PDE6D: variants seen among roughly 807,000 people sequenced by gnomAD.
PDE6D encodes the protein retinal rod rhodopsin-sensitive cGMP 3',5'-cyclic phosphodiesterase subunit delta.
Under a neutral mutation model 21.9 loss-of-function variants are expected in PDE6D, and 10 were observed. The observed-to-expected ratio is 0.46, with a 90% CI of 0.28 to 0.78. The LOEUF (loss-of-function observed/expected upper bound fraction) is 0.78. PDE6D is among the 30% of genes least tolerant of loss of function. The probability of loss-of-function intolerance (pLI) is 0.12; values close to 1 mark genes in which losing one functional copy is unlikely to be tolerated. For missense variants in PDE6D, 139 were observed against 184.8 expected (o/e 0.75, Z 1.44); for synonymous variants, 59 against 63.5 (o/e 0.93, Z 0.34).
chr2:231,739,041 G>A lies in PDE6D; in HGVS notation c.139+59C>T. 9.4e-7 allele frequency: 1 copy of A among 1,060,820 alleles called. No homozygotes were observed. Among genetic ancestry groups the A allele is most frequent in the Non-Finnish European group, 1.5e-6 (1 of 681,516 alleles). The allele number at this position is 1,060,820 out of a possible 1,614,324, so 65.7% of individuals were successfully genotyped here. A position where few individuals can be genotyped will look rare whatever the true frequency, so the allele number is the denominator to read the frequency against. ...GTATGTGTTAACTTAGCTCTCTTAT[G>A]CTCAGGTGCTAGTCTGGCATTGGTC... On this transcript the variant is annotated intron_variant, in intron 2 of 4. Coordinates refer to ENST00000287600, the MANE Select transcript of PDE6D (RefSeq NM_002601.4). This position sits in a 1 kb window ranked among gnomAD's most constrained non-coding sequence, Gnocchi z 4.2.
At chr2:231,757,839 C>T (rs767751830) in intron 1 of PDE6D, among the ~76,000 whole-genome samples, 2 of 151,786 alleles carry the variant, frequency 1.3e-5, no homozygotes, top group East Asian at 1.9e-4. Flanking sequence ...CATATATTTC[C>T]TTTACCAAAG....
chr2:231,749,500 G>A (rs929150058), intron 1 of PDE6D, among the ~76,000 whole-genome samples: 3 of 142,940 alleles, frequency 2.1e-5, no homozygotes, highest in Admixed American at 7.2e-5. Flanking sequence ...TCTCAGATGA[G>A]ACTTTTTTTT....
intron 1 of PDE6D, among the ~76,000 whole-genome samples, chr2:231,779,930 CAG>C (rs1191198106): frequency 6.6e-6 from 1 of 152,192 alleles, no homozygotes; most frequent in Non-Finnish European, 1.5e-5. Flanking sequence ...ACCAAGAAAA[CAG>C]TGCTTTACTA....
chr2:231,777,367 G>A (rs1235798247), intron 1 of PDE6D, among the ~76,000 whole-genome samples: 5 of 151,464 alleles, frequency 3.3e-5, no homozygotes, highest in Non-Finnish European at 4.4e-5. Flanking sequence ...TGGGGGTCTC[G>A]CTATGTTGGC....
intron 1 of PDE6D, among the ~76,000 whole-genome samples, chr2:231,768,856 T>C (rs1035419141): frequency 2.6e-5 from 4 of 152,276 alleles, no homozygotes; most frequent in Non-Finnish European, 5.9e-5. Context: ...TATTTGGTCA[T>C]GGAAACTGGT....
chr2:231,751,981 T>C (rs1174628183), intron 1 of PDE6D, among the ~76,000 whole-genome samples: 1 of 152,234 alleles, frequency 6.6e-6, no homozygotes, highest in Non-Finnish European at 1.5e-5. Context: ...ATGAATTACT[T>C]GGAATTATAC....
At chr2:231,741,217 A>G (rs1250428328) in intron 1 of PDE6D, among the ~76,000 whole-genome samples, 1 of 151,872 alleles carries the variant, frequency 6.6e-6, no homozygotes, top group Admixed American at 6.6e-5. Flanking sequence ...AAGCTTCCAG[A>G]GGTTAAACAA....
At chr2:231,742,152 G>A (rs1017245815) in intron 1 of PDE6D, among the ~76,000 whole-genome samples, 6 of 151,394 alleles carry the variant, frequency 4.0e-5, no homozygotes, top group Non-Finnish European at 5.9e-5. Context: ...AGATGGTTTC[G>A]CTCTTGTTGC....
chr2:231,738,789 G>A (rs1021995223), intron 2 of PDE6D, among the ~76,000 whole-genome samples: 17 of 151,678 alleles, frequency 1.1e-4, no homozygotes, highest in African/African-American at 2.4e-4. Context: ...GGTGGCGCAC[G>A]CCTGTAGTCC....
At chr2:231,754,318 T>A (rs928038410) in intron 1 of PDE6D, among the ~76,000 whole-genome samples, 11 of 151,918 alleles carry the variant, frequency 7.2e-5, no homozygotes, top group Non-Finnish European at 2.9e-5. Flanking sequence ...ATCTCAATAG[T>A]CTTCACTTCC....
In PDE6D at chr2:231,737,194, C is replaced by T. The variant is rs766118708; in HGVS notation, c.364G>A (p.Val122Ile). The part of the protein sequence containing the change: ...APESQMMPAS[V>I]LTGNVIIETK... ...TGAGACCTGCTCACTCACGTTAAGA[C>T]GCTTGCTGGCATCATCTGGGACTCG... The change falls in exon 4 of 5, where the codon GTC becomes ATC. Residue 122 changes from valine (V) to isoleucine (I), a missense_variant. Physicochemically the swap from Val to Ile is conservative, Grantham distance 29. Coordinates refer to ENST00000287600, the MANE Select transcript of PDE6D (RefSeq NM_002601.4). 2.1e-5 allele frequency: 34 copies of T among 1,595,194 alleles called. No individual in the cohort carries two copies. Among genetic ancestry groups the T allele is most frequent in the South Asian group, 1.9e-4 (17 of 90,700 alleles).
chr2:231,760,643 A>G (rs2048918351), intron 1 of PDE6D, among the ~76,000 whole-genome samples: 1 of 152,178 alleles, frequency 6.6e-6, no homozygotes, highest in Admixed American at 6.6e-5. Context: ...TGAATAACTC[A>G]TGATCCCTAA....
Position 231,732,937 on chromosome 2 carries a change from A to T in PDE6D, c.*15T>A. ...CAAAAAACCCAAATTCTTGAAATGT[A>T]CACACATTCTTCTTTCAAACATAGA... On this transcript the variant is annotated 3_prime_UTR_variant, in exon 5 of 5. Transcript: ENST00000287600. The T allele has an allele frequency of 6.4e-7, 1 of 1,564,960 alleles. No homozygotes were observed. The highest frequency in any genetic ancestry group is 1.1e-5 in the South Asian group (1 of 88,940).
Position 231,738,109 on chromosome 2 carries a change from T to A in PDE6D, c.169A>T (p.Lys57Ter). ...ARVPKKILKCKAVSRELNFSS... is the reference protein window; with the variant it reads ...ARVPKKILKC The stretch of plus-strand genomic sequence containing the variant: ...AAATTAAGTTCTCGAGACACTGCCT[T>A]GCACTTGAGGATTTTCTTGGGAACA... Residue 57 changes from lysine to a stop codon, truncating the protein, a stop_gained, in exon 3 of 5, where the codon AAG becomes TAG. Transcript: ENST00000287600. LOFTEE classifies it high-confidence loss of function. 6.2e-7 allele frequency: 1 copy of A among 1,613,336 alleles called. No homozygotes were observed. Among genetic ancestry groups the A allele is most frequent in the Non-Finnish European group, 8.5e-7 (1 of 1,179,682 alleles).
chr2:231,738,059 T>C lies in PDE6D; in HGVS notation c.219A>G (p.Lys73=). Residue 73 remains lysine, a synonymous_variant, in exon 3 of 5, where the codon AAA becomes AAG. Coordinates refer to ENST00000287600, the MANE Select transcript of PDE6D (RefSeq NM_002601.4). ...AGTAAACTTTTTGTTCCAGGCGGAA[T>C]TTTTCCATTTGTTCTGTCGAAGAAA... is the stretch of plus-strand genomic sequence containing the variant. ...LNFSSTEQME[K]FRLEQKVYFK... 1 of 1,614,042 alleles carries C rather than the reference T, an allele frequency of 6.2e-7. No homozygotes were observed. The highest frequency in any genetic ancestry group is 8.5e-7 in the Non-Finnish European group (1 of 1,179,886).
chr2:231,754,681 C>CT (rs112353154), intron 1 of PDE6D, among the ~76,000 whole-genome samples: 9,187 of 143,970 alleles, frequency 0.064, 724 homozygotes, highest in African/African-American at 0.19. Context: ...CTTCTTTTGT[C>CT]TTTTTTTTTT....
In PDE6D at chr2:231,781,092, G is replaced by A; in HGVS notation, c.23C>T (p.Ala8Val). ...TTTGAAGCCCCTCAGGATCTCCCTG[G>A]CCCGCTCGTCCTTGGCTGACATGAT... is the stretch of plus-strand genomic sequence containing the variant. MSAKDER[A>V]REILRGFKLN... The change falls in exon 1 of 5, where the codon GCC (alanine) becomes GTC (valine). Residue 8 changes from alanine (A) to valine (V), a missense_variant. Ala to Val is a moderately conservative substitution (Grantham distance 64). Transcript: ENST00000287600. The A allele has an allele frequency of 2.5e-6, 4 of 1,613,434 alleles. No individual in the cohort carries two copies. Among genetic ancestry groups the A allele is most frequent in the East Asian group, 2.2e-5 (1 of 44,808 alleles).
Position 231,754,420 on chromosome 2 carries a change from G to A in PDE6D, c.51-15232C>T, listed in dbSNP as rs182699664. The stretch of plus-strand genomic sequence containing the variant: ...TGCCCAGGCTGGAGTGCAGTGGTGC[G>A]ATCTCAGCTCACTGCAACCTCCACC... On this transcript the variant is annotated intron_variant, in intron 1 of 4. Transcript: ENST00000287600. Among the ~76,000 whole-genome samples, 89 of 148,544 alleles carry A rather than the reference G, an allele frequency of 6.0e-4. 2 individuals carry two copies. The East Asian group carries it at 0.013, about 22-fold the overall frequency.
chr2:231,775,485 G>T (rs1375303866), intron 1 of PDE6D, among the ~76,000 whole-genome samples: 1,740 of 140,996 alleles, frequency 0.012, 36 homozygotes, highest in Non-Finnish European at 0.018. Flanking sequence ...ATTTTTGTGT[G>T]TGTTTTTTTT....
Sources: gnomAD v4.1 joint callset for allele counts (sites outside exome capture counted in the v4.1 genomes callset) on GRCh38, gnomAD v4.1.1 for gene constraint, Gnocchi (gnomAD v3.1) non-coding constraint, MANE v1.5 for transcripts, NCBI Gene and HGNC (gene_info 2026-07-23, HGNC 2026-07-21) for gene names.